The following TNFRSF11A variants were observed in gnomAD, a reference collection of about 807,000 sequenced individuals.
TNFRSF11A encodes TNF receptor superfamily member 11a.
A neutral mutation model predicts 55.7 loss-of-function variants in TNFRSF11A; 32 were observed. That is an observed-to-expected ratio of 0.57 (90% CI 0.43 to 0.77). The LOEUF (loss-of-function observed/expected upper bound fraction) is 0.77. Ranked by LOEUF, TNFRSF11A falls within the 30% of genes least tolerant of loss-of-function variation. The pLI is 0.00. For synonymous variants in TNFRSF11A, 311 were observed against 331.0 expected (o/e 0.94, Z 0.65); for missense variants, 753 against 809.8 (o/e 0.93, Z 0.85).
At chr18:62,359,233 A>G (rs925147183) in intron 5 of TNFRSF11A, among the ~76,000 whole-genome samples, 6 of 152,312 alleles carry the variant, frequency 3.9e-5, no homozygotes, top group African/African-American at 1.2e-4. Flanking sequence ...TTTTTAAACA[A>G]TGAAAATTAA....
intron 1 of TNFRSF11A, among the ~76,000 whole-genome samples, chr18:62,333,666 T>C (rs1164833208): frequency 2.6e-5 from 4 of 152,148 alleles, no homozygotes; most frequent in Non-Finnish European, 5.9e-5. Flanking sequence ...AGCGCTCCAG[T>C]GACTGTGGTC....
At chr18:62,346,960 C>G (rs149578414) in intron 1 of TNFRSF11A, among the ~76,000 whole-genome samples, 2 of 152,198 alleles carry the variant, frequency 1.3e-5, no homozygotes, top group Non-Finnish European at 2.9e-5. Flanking sequence ...TTGAACTGCT[C>G]ATATTGTCCA....
chr18:62,360,206 T>C (rs1321655844), intron 6 of TNFRSF11A, among the ~76,000 whole-genome samples, 157 bp downstream of exon 6: 3 of 152,208 alleles, frequency 2.0e-5, no homozygotes, highest in Non-Finnish European at 4.4e-5. Flanking sequence ...ATCAGTATTT[T>C]AATTCCAGGT....
chr18:62,361,549 TGG>T lies in TNFRSF11A; in HGVS notation c.617-128_617-127del, dbSNP rs548522707. The T allele has an allele frequency of 9.4e-3, 8,087 of 861,818 alleles. 64 individuals carry two copies. Among genetic ancestry groups the T allele is most frequent in the Non-Finnish European group, 0.014 (7,155 of 501,084 alleles). 53.4% of individuals were successfully genotyped at this position (861,818 alleles called of 1,614,324 possible). ...CTCGCGGACAAAGGGCAGCCAAGGGTGGGGACTGTCACTTCTGCTATCCCAGA... is the reference window on the plus strand; with the variant it reads ...CTCGCGGACAAAGGGCAGCCAAGGGTGGACTGTCACTTCTGCTATCCCAGA... On this transcript the variant is annotated intron_variant, in intron 6 of 9. Coordinates refer to ENST00000586569, the MANE Select transcript of TNFRSF11A (RefSeq NM_003839.4).
At chr18:62,378,654 T>C (rs1911062143) in intron 9 of TNFRSF11A, among the ~76,000 whole-genome samples, 1 of 152,260 alleles carries the variant, frequency 6.6e-6, no homozygotes, top group Non-Finnish European at 1.5e-5. Flanking sequence ...TTGACCCTTA[T>C]GCTATCCTGC....
chr18:62,340,762 G>C (rs1406651721), intron 1 of TNFRSF11A, among the ~76,000 whole-genome samples: 1 of 152,102 alleles, frequency 6.6e-6, no homozygotes, highest in Non-Finnish European at 1.5e-5. Context: ...GTACCTGACT[G>C]GTATAACTTA....
chr18:62,338,296 T>C (rs1269555284), intron 1 of TNFRSF11A, among the ~76,000 whole-genome samples: 1 of 152,146 alleles, frequency 6.6e-6, no homozygotes, highest in Admixed American at 6.5e-5. Context: ...GAGCTAAACA[T>C]AGAATTAACT....
chr18:62,376,260 A>G (rs939178493), intron 9 of TNFRSF11A, among the ~76,000 whole-genome samples: 3 of 147,632 alleles, frequency 2.0e-5, no homozygotes, highest in Admixed American at 1.4e-4. Context: ...CTTTTCTTCC[A>G]CATGCTTCAA....
chr18:62,376,938 G>A (rs576064297), intron 9 of TNFRSF11A, among the ~76,000 whole-genome samples: 1 of 151,520 alleles, frequency 6.6e-6, no homozygotes, highest in South Asian at 2.1e-4. Flanking sequence ...TTTTTCAGAC[G>A]GAGTCTCATT....
rs1317853813 is a variant in TNFRSF11A at position 62,325,592 on chromosome 18, C to A, written c.75+165C>A. Among the ~76,000 whole-genome samples the A allele has an allele frequency of 6.6e-6, 1 of 151,864 alleles. No homozygotes were observed. Among genetic ancestry groups the A allele is most frequent in the African/African-American group, 2.4e-5 (1 of 41,394 alleles). The stretch of plus-strand genomic sequence containing the variant: ...CTGGGGAGGCGCTTCCAGAGTTGGA[C>A]GGCGGAGGGCGGGAAAGGGCAAGCG... On this transcript the variant is annotated intron_variant, in intron 1 of 9. Transcript: ENST00000586569. This position sits in a 1 kb window ranked among gnomAD's most constrained non-coding sequence, Gnocchi z 4.7.
chr18:62,349,203 G>T (rs142575143), intron 2 of TNFRSF11A, among the ~76,000 whole-genome samples: 2,328 of 150,114 alleles, frequency 0.016, 25 homozygotes, highest in Middle Eastern at 0.045. Flanking sequence ...TTGAGATGGG[G>T]TCTTGCTCTG....
In TNFRSF11A at chr18:62,325,517, T is replaced by A; in HGVS notation, c.75+90T>A. 1 of 865,414 alleles carries A rather than the reference T, an allele frequency of 1.2e-6. No homozygotes were observed. Among genetic ancestry groups the A allele is most frequent in the Non-Finnish European group, 1.5e-6 (1 of 679,044 alleles). 53.6% of individuals were successfully genotyped at this position (865,414 alleles called of 1,614,324 possible). A position where few individuals can be genotyped will look rare whatever the true frequency, so the allele number is the denominator to read the frequency against. ...CCGGGGCCGGCGGCATCCTGGCTCC[T>A]CCGCCTTCCGAGAGGAGCCGGAGTT... On this transcript the variant is annotated intron_variant, in intron 1 of 9. Transcript: ENST00000586569. The surrounding 1 kb of genome is among the most constrained non-coding windows in gnomAD (Gnocchi z 4.7).
intron 9 of TNFRSF11A, among the ~76,000 whole-genome samples, chr18:62,369,829 C>T (rs1216462420): frequency 6.6e-6 from 1 of 152,222 alleles, no homozygotes; most frequent in Non-Finnish European, 1.5e-5. Context: ...TCAGGACTGG[C>T]TGAGCCAAGG....
At position 62,385,258 on chromosome 18, in the gene TNFRSF11A, G is replaced by C. The variant is rs1911634895; in HGVS notation, c.*224G>C. On this transcript the variant is annotated 3_prime_UTR_variant, in exon 10 of 10. Coordinates refer to ENST00000586569, the MANE Select transcript of TNFRSF11A (RefSeq NM_003839.4). ...GATGCTCAGCAGCCCGCCGCACTGG[G>C]GCAGATGTCTCCCCTGCCACTCCTC... 2.2e-6 allele frequency: 1 copy of C among 454,612 alleles called. No individual in the cohort carries two copies. Among genetic ancestry groups the C allele is most frequent in the African/African-American group, 2.1e-5 (1 of 48,220 alleles). 28.2% of individuals were successfully genotyped at this position (454,612 alleles called of 1,614,324 possible). A position where few individuals can be genotyped will look rare whatever the true frequency, so the allele number is the denominator to read the frequency against.
Position 62,349,908 on chromosome 18 carries a change from A to C in TNFRSF11A, c.254A>C (p.Lys85Thr). 6.2e-7 allele frequency: 1 copy of C among 1,614,050 alleles called. No individual in the cohort carries two copies. The highest frequency in any genetic ancestry group is 8.5e-7 in the Non-Finnish European group (1 of 1,179,964). ...TTGGATAGCTGGAATGAAGAAGATA[A>C]ATGCTTGCTGCATAAAGTTTGTGAT... Reference protein sequence around the residue: ...EYLDSWNEEDKCLLHKVCDTG... With the variant: ...EYLDSWNEEDTCLLHKVCDTG... Residue 85 changes from lysine (K) to threonine (T), a missense_variant, in exon 3 of 10, where the codon AAA (lysine) becomes ACA (threonine). Coordinates refer to ENST00000586569, the MANE Select transcript of TNFRSF11A (RefSeq NM_003839.4).
chr18:62,382,656 G>C lies in TNFRSF11A; in HGVS notation c.1568-2095G>C, dbSNP rs527839215. On this transcript the variant is annotated intron_variant, in intron 9 of 9. Transcript: ENST00000586569. ...TGTGTGTTTTGTTTTGGTTTTCTGC[G>C]GGGGGAGTGGAACCAGCTTGCTTCT... Among the ~76,000 whole-genome samples, 76 of 147,280 alleles carry C rather than the reference G, an allele frequency of 5.2e-4. 1 individual carries two copies. The South Asian group carries it at 0.011, about 21-fold the overall frequency.
intron 1 of TNFRSF11A, among the ~76,000 whole-genome samples, chr18:62,342,573 G>A (rs1259957914): frequency 1.3e-5 from 2 of 152,006 alleles, no homozygotes; most frequent in Admixed American, 6.6e-5. Context: ...ATGGTGGGAC[G>A]TTTTCCTCAC....
At chr18:62,327,319 C>G (rs934592956) in intron 1 of TNFRSF11A, among the ~76,000 whole-genome samples, 8 of 152,122 alleles carry the variant, frequency 5.3e-5, no homozygotes, top group African/African-American at 1.7e-4. Context: ...AACCTCTGCC[C>G]GTGGCCACTA....
Position 62,383,865 on chromosome 18 carries a change from T to A in TNFRSF11A, c.1568-886T>A, listed in dbSNP as rs1488343098. Reference sequence around the variant, plus strand: ...GTTTTGTTTCCGGGAGTAATTTTAATGTTAAGGAAGTGGATTAATCTCTAC... The same window carrying A: ...GTTTTGTTTCCGGGAGTAATTTTAAAGTTAAGGAAGTGGATTAATCTCTAC... On this transcript the variant is annotated intron_variant, in intron 9 of 9. Transcript: ENST00000586569. The surrounding 1 kb of genome is among the most constrained non-coding windows in gnomAD (Gnocchi z 4.2). Among the ~76,000 whole-genome samples the A allele has an allele frequency of 6.6e-6, 1 of 152,064 alleles. No homozygotes were observed. The highest frequency in any genetic ancestry group is 2.4e-5 in the African/African-American group (1 of 41,396).
Sources: gnomAD v4.1 joint callset for allele counts (sites outside exome capture counted in the v4.1 genomes callset) on GRCh38, gnomAD v4.1.1 for gene constraint, Gnocchi (gnomAD v3.1) non-coding constraint, MANE v1.5 for transcripts, NCBI Gene and HGNC (gene_info 2026-07-23, HGNC 2026-07-21) for gene names.